GABRG3: variants seen among roughly 807,000 people sequenced by gnomAD.
GABRG3 encodes the protein gamma-aminobutyric acid type A receptor subunit gamma3, also known as gamma-aminobutyric acid receptor subunit gamma-3.
In GABRG3, 25 loss-of-function variants were observed where a neutral mutation model predicts 48.8. That is an observed-to-expected ratio of 0.51 (90% confidence interval 0.37 to 0.72). GABRG3 has a LOEUF of 0.72. GABRG3 is among the 30% of genes least tolerant of loss of function. The probability of loss-of-function intolerance (pLI) is 0.00; values close to 1 mark genes in which losing one functional copy is unlikely to be tolerated. For missense variants in GABRG3, 394 were observed against 577.9 expected (o/e 0.68, Z 3.26); for synonymous variants, 227 against 217.6 (o/e 1.04, Z -0.38).
At chr15:27,149,876 G>C (rs1441215604) in intron 3 of GABRG3, among the ~76,000 whole-genome samples, 1 of 152,184 alleles carries the variant, frequency 6.6e-6, no homozygotes, top group Non-Finnish European at 1.5e-5. Flanking sequence ...TGAGAAGCTA[G>C]CCATAAATAC....
At chr15:27,035,684 G>T (rs566586238) in intron 3 of GABRG3, among the ~76,000 whole-genome samples, 1 of 152,204 alleles carries the variant, frequency 6.6e-6, no homozygotes, top group Non-Finnish European at 1.5e-5. Flanking sequence ...AGGGAGCCAC[G>T]TGGAGCTTGC....
intron 6 of GABRG3, among the ~76,000 whole-genome samples, chr15:27,484,163 T>C (rs900547463): frequency 1.3e-5 from 2 of 152,316 alleles, no homozygotes; most frequent in South Asian, 4.1e-4. Context: ...CTCGAACTCC[T>C]GACCTCAGGT....
chr15:27,413,268 A>C (rs1215285472), intron 5 of GABRG3, among the ~76,000 whole-genome samples: 1 of 152,312 alleles, frequency 6.6e-6, no homozygotes, highest in East Asian at 1.9e-4. Flanking sequence ...CAAGTCTACC[A>C]TATCATTTTA....
intron 3 of GABRG3, among the ~76,000 whole-genome samples, chr15:27,057,717 C>A (rs146392993): frequency 6.6e-6 from 1 of 152,160 alleles, no homozygotes; most frequent in South Asian, 2.1e-4. Context: ...AATCTTACCA[C>A]GTACTTATTC....
chr15:27,480,620 C>G, intron 5 of GABRG3, 30 bp from the exon 6 acceptor site: 1 of 1,547,260 alleles, frequency 6.5e-7, no homozygotes, highest in Non-Finnish European at 8.9e-7. Context: ...TGTGTACCTT[C>G]AAGTGCTAAT....
At chr15:27,012,251 G>C (rs1341722680) in intron 2 of GABRG3, among the ~76,000 whole-genome samples, 1 of 151,848 alleles carries the variant, frequency 6.6e-6, no homozygotes, top group Admixed American at 6.6e-5. Flanking sequence ...TTTGATTTCT[G>C]TTGTTTCTTA....
At chr15:27,014,721 C>T (rs1160932093) in intron 2 of GABRG3, among the ~76,000 whole-genome samples, 1 of 152,098 alleles carries the variant, frequency 6.6e-6, no homozygotes, top group Non-Finnish European at 1.5e-5. Flanking sequence ...TCTAGTTGCA[C>T]TTGAGGAGAA....
At chr15:27,259,971 C>T (rs1411388955) in intron 3 of GABRG3, among the ~76,000 whole-genome samples, 2 of 152,124 alleles carry the variant, frequency 1.3e-5, no homozygotes, top group Non-Finnish European at 2.9e-5. Flanking sequence ...GAATCTTCCT[C>T]AGTGACACTG....
At chr15:27,002,521 T>C (rs1175990235) in intron 2 of GABRG3, among the ~76,000 whole-genome samples, 2 of 152,158 alleles carry the variant, frequency 1.3e-5, no homozygotes, top group Non-Finnish European at 2.9e-5. Flanking sequence ...TAGTGCAGCA[T>C]TTCATTTTTT....
chr15:26,995,036 T>C (rs986171971), intron 2 of GABRG3, among the ~76,000 whole-genome samples: 1 of 152,096 alleles, frequency 6.6e-6, no homozygotes, highest in Admixed American at 6.5e-5. Flanking sequence ...GCTCTATTAC[T>C]GAAAGTGGAG....
In GABRG3 at chr15:27,248,767, AACACACACACAC is replaced by A. The variant is rs150140195; in HGVS notation, c.271-78016_271-78005del. On this transcript the variant is annotated intron_variant, in intron 3 of 9. Transcript: ENST00000615808. Reference sequence around the variant, plus strand: ...TGGAAGAGTTTTAGGTGAGAAGGAAAACACACACACACACACACACACACACACACACACACA... The same window carrying A: ...TGGAAGAGTTTTAGGTGAGAAGGAAAACACACACACACACACACACACACA... Among the ~76,000 whole-genome samples, 33 of 117,000 alleles carry A rather than the reference AACACACACACAC, an allele frequency of 2.8e-4. 1 individual carries two copies. Among genetic ancestry groups the A allele is most frequent in the South Asian group, 6.8e-4 (2 of 2,962 alleles). 76.8% of individuals were successfully genotyped at this position (117,000 alleles called of 152,430 possible).
At chr15:27,054,494 A>G (rs973362183) in intron 3 of GABRG3, among the ~76,000 whole-genome samples, 1 of 152,236 alleles carries the variant, frequency 6.6e-6, no homozygotes, top group African/African-American at 2.4e-5. Flanking sequence ...ATTTCCTCCA[A>G]AACAGGTTCC....
chr15:27,198,217 A>G (rs746560167), intron 3 of GABRG3, among the ~76,000 whole-genome samples: 2 of 152,232 alleles, frequency 1.3e-5, no homozygotes, highest in African/African-American at 4.8e-5. Context: ...CAGGCAACCT[A>G]CAGAATGGGA....
chr15:27,321,840 G>A (rs531422205), intron 3 of GABRG3, among the ~76,000 whole-genome samples: 16 of 152,354 alleles, frequency 1.1e-4, no homozygotes, highest in Admixed American at 9.1e-4. Context: ...AGTTACAGAT[G>A]GATATTGTGA....
chr15:27,199,382 AAG>A (rs1888609268), intron 3 of GABRG3, among the ~76,000 whole-genome samples: 1 of 152,150 alleles, frequency 6.6e-6, no homozygotes, highest in African/African-American at 2.4e-5. Context: ...GTATGAGCGA[AAG>A]AGAATGTGTT....
intron 5 of GABRG3, among the ~76,000 whole-genome samples, chr15:27,436,988 C>T (rs922414868): frequency 1.5e-4 from 14 of 95,874 alleles, no homozygotes; most frequent in Non-Finnish European, 2.1e-4. Flanking sequence ...ACTCCTTCTC[C>T]GAAAAATAGA....
At chr15:27,252,097 C>G (rs1890475069) in intron 3 of GABRG3, among the ~76,000 whole-genome samples, 1 of 152,194 alleles carries the variant, frequency 6.6e-6, no homozygotes, top group Non-Finnish European at 1.5e-5. Flanking sequence ...CCTCACCCTC[C>G]CTAGTGCCTG....
intron 3 of GABRG3, among the ~76,000 whole-genome samples, chr15:27,309,066 T>C (rs770874797): frequency 1.1e-4 from 17 of 150,448 alleles, no homozygotes; most frequent in Non-Finnish European, 1.9e-4. Flanking sequence ...ACACATATAA[T>C]GTAAACATGT....
Position 27,163,944 on chromosome 15 carries a change from C to A in GABRG3, c.270+137123C>A, listed in dbSNP as rs545371656. ...TGTGAGGGGTGCCAGTGTCGCTCAG[C>A]TGCACCTTAGGAGCGGACCAATTCA... On this transcript the variant is annotated intron_variant, in intron 3 of 9. Transcript: ENST00000615808. Among the ~76,000 whole-genome samples the A allele has an allele frequency of 6.8e-4, 103 of 152,318 alleles. 1 individual carries two copies. Among genetic ancestry groups the A allele is most frequent in the African/African-American group, 2.4e-3 (100 of 41,582 alleles).
Sources: gnomAD v4.1 joint callset for allele counts (sites outside exome capture counted in the v4.1 genomes callset) on GRCh38, gnomAD v4.1.1 for gene constraint, MANE v1.5 for transcripts, NCBI Gene and HGNC (gene_info 2026-07-23, HGNC 2026-07-21) for gene names.